METAP1D: variants seen among roughly 807,000 people sequenced by gnomAD.
METAP1D encodes methionine aminopeptidase 1D, mitochondrial.
A neutral mutation model predicts 40.5 loss-of-function variants in METAP1D; 31 were observed. That is an observed-to-expected ratio of 0.77 (90% CI 0.58 to 1.03). The LOEUF is 1.03. Among genes scored for constraint, METAP1D ranks in the 50% least tolerant of loss-of-function variants. The pLI is 0.00. For missense variants in METAP1D, 411 were observed against 420.7 expected, an observed-to-expected ratio of 0.98 and a Z score of 0.20; for synonymous variants, 151 against 146.4, an observed-to-expected ratio of 1.03 and a Z score of -0.22.
chr2:172,018,362 A>G (rs1015118634), intron 1 of METAP1D, among the ~76,000 whole-genome samples: 2 of 152,148 alleles, frequency 1.3e-5, no homozygotes, highest in Admixed American at 1.3e-4. Flanking sequence ...AGAAGCTGAA[A>G]AGCAGATAAT....
At position 172,080,652 on chromosome 2, in the gene METAP1D, C is replaced by T. The variant is rs1270711429; in HGVS notation, c.*246C>T. On this transcript the variant is annotated 3_prime_UTR_variant, in exon 10 of 10. Transcript: ENST00000315796. ...CCTGGACTCGGTTTCCCAGCGCGGT[C>T]AACGCATCTGGAGGGGACTGGAGGA... 3.4e-6 allele frequency: 2 copies of T among 596,650 alleles called. No homozygotes were observed. Among genetic ancestry groups the T allele is most frequent in the African/African-American group, 3.7e-5 (2 of 53,678 alleles). 37.0% of individuals were successfully genotyped at this position (596,650 alleles called of 1,614,324 possible).
intron 1 of METAP1D, among the ~76,000 whole-genome samples, chr2:172,005,531 T>TATATAC (rs1291936623): frequency 8.4e-6 from 1 of 118,564 alleles, no homozygotes; most frequent in Non-Finnish European, 1.9e-5. Flanking sequence ...TATATATATA[T>TATATAC]ATATATATAT....
At position 172,042,962 on chromosome 2, in the gene METAP1D, T is replaced by TGC. The variant is rs1689637799; in HGVS notation, c.41-18536_41-18535insGC. Among the ~76,000 whole-genome samples, 5 of 128,524 alleles carry TGC rather than the reference T, an allele frequency of 3.9e-5. 1 individual carries two copies. Among genetic ancestry groups the TGC allele is most frequent in the African/African-American group, 1.0e-4 (4 of 38,782 alleles). The allele number at this position is 128,524 out of a possible 152,430, so 84.3% of individuals were successfully genotyped here. A position where few individuals can be genotyped will look rare whatever the true frequency, so the allele number is the denominator to read the frequency against. On this transcript the variant is annotated intron_variant, in intron 1 of 9. Coordinates refer to ENST00000315796, the MANE Select transcript of METAP1D (RefSeq NM_199227.3). ...ACACGTATGCGTACCTGTGTATATA[T>TGC]ATGCGTACATGTGCATACATATGTG... is the stretch of plus-strand genomic sequence containing the variant.
At chr2:172,054,528 A>ATAAC (rs1689960523) in intron 1 of METAP1D, among the ~76,000 whole-genome samples, 1 of 151,730 alleles carries the variant, frequency 6.6e-6, no homozygotes, top group Non-Finnish European at 1.5e-5. Flanking sequence ...CTCAAAATAA[A>ATAAC]TAAATAAATA....
chr2:172,020,613 T>TACATCA (rs1688984916), intron 1 of METAP1D, among the ~76,000 whole-genome samples: 1 of 152,162 alleles, frequency 6.6e-6, no homozygotes. Flanking sequence ...TCATTGGGAG[T>TACATCA]ACATCAACAC....
chr2:172,079,219 C>G lies in METAP1D; in HGVS notation c.807C>G (p.Asn269Lys), dbSNP rs770033369. 4.3e-6 allele frequency: 7 copies of G among 1,613,726 alleles called. No homozygotes were observed. The highest frequency in any genetic ancestry group is 5.9e-6 in the Non-Finnish European group (7 of 1,179,954). Residue 269 changes from asparagine (N) to lysine (K), a missense_variant, in exon 8 of 10, where the codon AAC becomes AAG. Transcript: ENST00000315796. Reference protein sequence around the residue: ...HGHPEIWHHANDSDLPMEEGM... With the variant: ...HGHPEIWHHAKDSDLPMEEGM... Reference sequence around the variant, plus strand: ...CCCATGTTTTTTGTTTTGCAGCAAACGACAGTGATCTACCCATGGAGGAGG... The same window carrying G: ...CCCATGTTTTTTGTTTTGCAGCAAAGGACAGTGATCTACCCATGGAGGAGG...
chr2:172,015,131 CT>C (rs1464995779), intron 1 of METAP1D, among the ~76,000 whole-genome samples: 1 of 152,170 alleles, frequency 6.6e-6, no homozygotes, highest in Non-Finnish European at 1.5e-5. Context: ...CTTAATTCCA[CT>C]TCTAGAAATC....
At chr2:172,073,493 T>C (rs562045044) in intron 6 of METAP1D, among the ~76,000 whole-genome samples, 1 of 152,274 alleles carries the variant, frequency 6.6e-6, no homozygotes, top group East Asian at 1.9e-4. Flanking sequence ...ATGTACAAGC[T>C]TTTTTGAAAA....
intron 1 of METAP1D, among the ~76,000 whole-genome samples, chr2:172,048,331 GT>G (rs1341579221): frequency 1.3e-5 from 2 of 152,152 alleles, no homozygotes; most frequent in Non-Finnish European, 2.9e-5. Flanking sequence ...CCACAGTCAG[GT>G]AACCAATGAT....
At chr2:172,035,135 C>T (rs1689340504) in intron 1 of METAP1D, among the ~76,000 whole-genome samples, 1 of 136,556 alleles carries the variant, frequency 7.3e-6, no homozygotes, top group South Asian at 2.6e-4. Context: ...ACCTATGTAA[C>T]TACTGTACTG....
At chr2:172,072,115 G>T (rs1690434409) in intron 6 of METAP1D, among the ~76,000 whole-genome samples, 1 of 152,172 alleles carries the variant, frequency 6.6e-6, no homozygotes, top group South Asian at 2.1e-4. Flanking sequence ...GGGAAAAAAG[G>T]ATAGTGTCTC....
chr2:172,041,804 GTTTT>G (rs201757401), intron 1 of METAP1D, among the ~76,000 whole-genome samples: 1 of 61,508 alleles, frequency 1.6e-5, no homozygotes, highest in African/African-American at 5.2e-5. Context: ...TATATATATA[GTTTT>G]TTTTTTTTTT....
chr2:172,033,786 G>T (rs1689298198), intron 1 of METAP1D, among the ~76,000 whole-genome samples: 1 of 151,092 alleles, frequency 6.6e-6, no homozygotes, highest in Non-Finnish European at 1.5e-5. Flanking sequence ...CCATTAAAAA[G>T]AGTTCTCATC....
At chr2:172,033,140 A>G (rs796728218) in intron 1 of METAP1D, among the ~76,000 whole-genome samples, 4 of 152,236 alleles carry the variant, frequency 2.6e-5, no homozygotes, top group African/African-American at 9.6e-5. Context: ...ATATGTCTAC[A>G]GGAAATACAA....
intron 1 of METAP1D, among the ~76,000 whole-genome samples, chr2:172,032,474 A>G (rs1034735853): frequency 2.6e-5 from 4 of 152,146 alleles, no homozygotes; most frequent in African/African-American, 9.7e-5. Context: ...AAAGCCCTAT[A>G]TTTTTTAACT....
intron 1 of METAP1D, among the ~76,000 whole-genome samples, chr2:172,027,618 G>A (rs1033681586): frequency 2.6e-5 from 4 of 152,242 alleles, no homozygotes; most frequent in African/African-American, 9.6e-5. Context: ...ATATGAGTGT[G>A]TATGTGTATT....
chr2:172,016,171 G>A (rs1286813383), intron 1 of METAP1D, among the ~76,000 whole-genome samples: 5 of 142,590 alleles, frequency 3.5e-5, no homozygotes, highest in Non-Finnish European at 7.6e-5. Flanking sequence ...AGCTACTTAA[G>A]AGGCTGAGGC....
chr2:172,067,447 A>G (rs889735166), intron 5 of METAP1D, among the ~76,000 whole-genome samples: 4 of 152,152 alleles, frequency 2.6e-5, no homozygotes, highest in Admixed American at 2.6e-4. Context: ...TTCCTGTATC[A>G]TTTTATCCTA....
rs534618526 is a variant in METAP1D, at chr2:172,000,107, G to C, written c.40+98G>C. ...ATGCGCACCCGCGCTCAGACTTCTC[G>C]GCGCACACGACTGTACTTTCAGTGT... On this transcript the variant is annotated intron_variant, in intron 1 of 9. Transcript: ENST00000315796. 3.1e-5 allele frequency: 33 copies of C among 1,048,678 alleles called. No individual in the cohort carries two copies. In the African/African-American group the frequency reaches 3.9e-4, roughly 13 times the overall value. 65.0% of individuals were successfully genotyped at this position (1,048,678 alleles called of 1,614,324 possible).
Sources: gnomAD v4.1 joint callset for allele counts (sites outside exome capture counted in the v4.1 genomes callset) on GRCh38, gnomAD v4.1.1 for gene constraint, MANE v1.5 for transcripts, NCBI Gene and HGNC (gene_info 2026-07-23, HGNC 2026-07-21) for gene names.